CPVL: variants seen among roughly 807,000 people sequenced by gnomAD.
The protein encoded by CPVL is carboxypeptidase vitellogenic like.
A neutral mutation model predicts 63.7 loss-of-function variants in CPVL; 51 were observed. That is an observed-to-expected ratio of 0.80 (90% CI 0.64 to 1.01). The LOEUF is 1.01. CPVL is among the 50% of genes least tolerant of loss of function. CPVL has a pLI of 0.00. For missense variants in CPVL, 530 were observed against 573.1 expected (o/e 0.92, Z 0.77); for synonymous variants, 195 against 206.0 (o/e 0.95, Z 0.46).
intron 2 of CPVL, 146 bp downstream of exon 2, chr7:29,120,747 G>A: frequency 2.9e-6 from 2 of 684,234 alleles, no homozygotes; most frequent in South Asian, 1.9e-5. Flanking sequence ...CTTGAACCCG[G>A]GAGGCGGAGG....
At chr7:29,015,336 G>C (rs534721106) in intron 12 of CPVL, among the ~76,000 whole-genome samples, 1 of 152,264 alleles carries the variant, frequency 6.6e-6, no homozygotes, top group African/African-American at 2.4e-5. Context: ...CAAATTGCTT[G>C]TCTAATGGTA....
In CPVL at chr7:29,095,111, C is replaced by G. The variant is rs771945146; in HGVS notation, c.435G>C (p.Thr145=). The G allele has an allele frequency of 6.2e-7, 1 of 1,613,940 alleles. No individual in the cohort carries two copies. The highest frequency in any genetic ancestry group is 8.5e-7 in the Non-Finnish European group (1 of 1,179,882). Residue 145 remains threonine (T), a synonymous_variant, in exon 5 of 13, where the codon ACG becomes ACC. Coordinates refer to ENST00000265394, the MANE Select transcript of CPVL (RefSeq NM_031311.5). ...GATTGTCAATGTAAAGCATGGAGAGCGTTGTGGTCCAGGGGAAGTCTCTGT... is the reference window on the plus strand; with the variant it reads ...GATTGTCAATGTAAAGCATGGAGAGGGTTGTGGTCCAGGGGAAGTCTCTGT... The part of the protein sequence containing the change: ...LRDRDFPWTT[T]LSMLYIDNPV...
At chr7:29,062,414 G>T (rs1782712445) in intron 11 of CPVL, among the ~76,000 whole-genome samples, 5 of 152,176 alleles carry the variant, frequency 3.3e-5, no homozygotes, top group Admixed American at 3.3e-4. Flanking sequence ...CAAACACAAG[G>T]ATGGCTGAAA....
chr7:29,026,372 A>C (rs933739964), intron 12 of CPVL, among the ~76,000 whole-genome samples: 1 of 152,138 alleles, frequency 6.6e-6, no homozygotes, highest in Non-Finnish European at 1.5e-5. Context: ...AAAAGTAGAA[A>C]GTGTTTAAAT....
intron 5 of CPVL, among the ~76,000 whole-genome samples, chr7:29,093,660 T>C (rs1211637205): frequency 6.6e-6 from 1 of 152,242 alleles, no homozygotes; most frequent in African/African-American, 2.4e-5. Context: ...AAGAAGCTAC[T>C]ATTTTTATGT....
At chr7:29,034,634 T>C (rs988993497) in intron 11 of CPVL, among the ~76,000 whole-genome samples, 5 of 152,046 alleles carry the variant, frequency 3.3e-5, no homozygotes, top group Admixed American at 6.6e-5. Context: ...GTTCTCATCG[T>C]TTTTTACAAA....
chr7:29,029,730 C>T (rs1232013486), intron 12 of CPVL, among the ~76,000 whole-genome samples: 1 of 151,900 alleles, frequency 6.6e-6, no homozygotes, highest in Non-Finnish European at 1.5e-5. Flanking sequence ...TTCTAGTGTT[C>T]AATAGCACAG....
intron 11 of CPVL, among the ~76,000 whole-genome samples, chr7:29,045,844 C>A (rs1333690211): frequency 6.6e-6 from 1 of 152,108 alleles, no homozygotes; most frequent in Non-Finnish European, 1.5e-5. Flanking sequence ...ACCTTTCAAA[C>A]TTCTAAGTCA....
chr7:29,129,811 T>A lies in CPVL; in HGVS notation c.-10-8740A>T, dbSNP rs1232144605. ...AACCTAATAATTAGCTACAATGAGA[T>A]TATGCTGGAGTTGGATTAGGGCAGG... On this transcript the variant is annotated intron_variant, in intron 1 of 12. Transcript: ENST00000265394. Among the ~76,000 whole-genome samples the A allele has an allele frequency of 2.0e-5, 3 of 151,960 alleles. No individual in the cohort carries two copies. The East Asian group carries it at 5.8e-4, about 29-fold the overall frequency.
intron 11 of CPVL, among the ~76,000 whole-genome samples, chr7:29,050,005 A>G (rs1789988166): frequency 6.6e-6 from 1 of 152,186 alleles, no homozygotes; most frequent in Non-Finnish European, 1.5e-5. Flanking sequence ...TTGGCATACA[A>G]GGGACATACC....
Position 29,030,688 on chromosome 7 carries a change from C to T in CPVL, c.1209G>A (p.Met403Ile). 1 of 1,613,906 alleles carries T rather than the reference C, an allele frequency of 6.2e-7. No homozygotes were observed. Among genetic ancestry groups the T allele is most frequent in the South Asian group, 1.1e-5 (1 of 91,036 alleles). ...AALTERSLMG[M>I]DWKGSQEYKK... ...TGTATTCCTGGGATCCTTTCCAGTC[C>T]ATGCCCATCAAGGAGCGCTCTGTCA... The change falls in exon 12 of 13, where the codon ATG becomes ATA. Residue 403 changes from methionine to isoleucine, a missense_variant. Met to Ile is a conservative substitution (Grantham distance 10). Coordinates refer to ENST00000265394, the MANE Select transcript of CPVL (RefSeq NM_031311.5).
intron 11 of CPVL, among the ~76,000 whole-genome samples, chr7:29,039,278 C>G (rs984846393): frequency 1.3e-5 from 2 of 152,246 alleles, no homozygotes; most frequent in East Asian, 1.9e-4. Flanking sequence ...CTAGTAAAGA[C>G]CTAATGAACA....
At chr7:29,150,561 T>G (rs567126386), upstream of CPVL, among the ~76,000 whole-genome samples, 10 of 152,368 alleles carry the variant, frequency 6.6e-5, no homozygotes, top group South Asian at 2.1e-3. Flanking sequence ...ATAGATCATT[T>G]ACACATCTTG....
At chr7:29,089,042 G>C (rs1050725035) in intron 6 of CPVL, among the ~76,000 whole-genome samples, 1 of 152,122 alleles carries the variant, frequency 6.6e-6, no homozygotes, top group Admixed American at 6.6e-5. Context: ...TCAGGTACAA[G>C]AGCTACATGG....
intron 2 of CPVL, among the ~76,000 whole-genome samples, chr7:29,118,780 T>C (rs1789041317): frequency 6.6e-6 from 1 of 152,208 alleles, no homozygotes; most frequent in Non-Finnish European, 1.5e-5. Flanking sequence ...AAAATGACCA[T>C]TTGTCTAAAA....
chr7:29,100,866 G>T (rs1270565338), intron 3 of CPVL, among the ~76,000 whole-genome samples: 1 of 152,172 alleles, frequency 6.6e-6, no homozygotes, highest in Non-Finnish European at 1.5e-5. Context: ...GTGAACTAAT[G>T]TCACCCTTAT....
chr7:29,098,623 G>A (rs1562768556), intron 3 of CPVL, among the ~76,000 whole-genome samples: 2 of 152,178 alleles, frequency 1.3e-5, no homozygotes, highest in African/African-American at 2.4e-5. Context: ...AAGCTCCAGG[G>A]GTCAGCGCGG....
intron 2 of CPVL, chr7:29,113,650 A>G (rs1788474557): frequency 6.6e-6 from 1 of 152,208 alleles, no homozygotes; most frequent in Non-Finnish European, 1.5e-5. Flanking sequence ...ACAGATAAGA[A>G]AGCTGAAGCA....
In CPVL at chr7:29,144,358, C is replaced by T. The variant is rs573154126; in HGVS notation, c.-11+2071G>A. Reference sequence around the variant, plus strand: ...GGAGGATCACTTGAGGTCAGGAGTTCGAGACCAGCCTGGGCAACATGGCAA... The same window carrying T: ...GGAGGATCACTTGAGGTCAGGAGTTTGAGACCAGCCTGGGCAACATGGCAA... On this transcript the variant is annotated intron_variant, in intron 1 of 12. Transcript: ENST00000265394. 1.5e-3 allele frequency among the ~76,000 whole-genome samples: 231 copies of T among 152,136 alleles called. 1 individual carries two copies. Among genetic ancestry groups the T allele is most frequent in the African/African-American group, 5.0e-3 (208 of 41,478 alleles).
Sources: allele counts gnomAD v4.1 joint callset (sites outside exome capture counted in the v4.1 genomes callset), GRCh38; gene constraint gnomAD v4.1.1; transcripts MANE v1.5; gene names NCBI Gene and HGNC (gene_info 2026-07-23, HGNC 2026-07-21).